Variants in PPP1R37 observed in about 807,000 individuals in gnomAD.
PPP1R37 encodes leucine rich repeat containing 68.
In PPP1R37, 21 loss-of-function variants were observed where a neutral mutation model predicts 61.0. The ratio of observed to expected loss-of-function variants is 0.34; its 90% confidence interval spans 0.24 to 0.50. PPP1R37 has a LOEUF of 0.50. Among genes scored for constraint, PPP1R37 ranks in the 20% least tolerant of loss-of-function variants. PPP1R37 has a pLI of 0.98. For missense variants in PPP1R37, 910 were observed against 952.7 expected (o/e 0.96, Z 0.59); for synonymous variants, 443 against 433.5 (o/e 1.02, Z -0.27).
intron 1 of PPP1R37, among the ~76,000 whole-genome samples, chr19:45,116,716 C>A (rs539522600): frequency 6.6e-6 from 1 of 152,186 alleles, no homozygotes; most frequent in Non-Finnish European, 1.5e-5. Flanking sequence ...TTCATAGACT[C>A]ACAGCGACAG....
chr19:45,097,147 G>T (rs988401374), intron 1 of PPP1R37, among the ~76,000 whole-genome samples: 1 of 151,974 alleles, frequency 6.6e-6, no homozygotes, highest in Non-Finnish European at 1.5e-5. Context: ...GGCCCAGAGG[G>T]TCTGGGGCTG....
At chr19:45,104,854 A>T (rs1255837052) in intron 1 of PPP1R37, among the ~76,000 whole-genome samples, 3 of 151,828 alleles carry the variant, frequency 2.0e-5, no homozygotes, top group African/African-American at 4.8e-5. Flanking sequence ...AGCTCCCCAC[A>T]TCCTGTCCTG....
At position 45,138,526 on chromosome 19, in the gene PPP1R37, C is replaced by G; in HGVS notation, c.215C>G (p.Thr72Ser). 1.3e-6 allele frequency: 2 copies of G among 1,535,850 alleles called. No homozygotes were observed. Among genetic ancestry groups the G allele is most frequent in the Non-Finnish European group, 8.7e-7 (1 of 1,146,740 alleles). The part of the protein sequence containing the change: ...KDPWRHAQNV[T>S]VDEVIGAYKQ... ...CCTGTGCCTGCAGCCCAGAATGTGACCGTGGACGAGGTCATCGGCGCCTAC... is the reference window on the plus strand; with the variant it reads ...CCTGTGCCTGCAGCCCAGAATGTGAGCGTGGACGAGGTCATCGGCGCCTAC... Residue 72 changes from threonine (T) to serine (S), a missense_variant, in exon 2 of 13, where the codon ACC (threonine) becomes AGC (serine). Thr to Ser is a moderately conservative substitution (Grantham distance 58). This residue lies in a region of PPP1R37 where 280 missense variants were observed against 382.2 expected (regional missense o/e 0.73). Coordinates refer to ENST00000221462, the MANE Select transcript of PPP1R37 (RefSeq NM_019121.2).
At chr19:45,099,526 T>G (rs1968035728) in intron 1 of PPP1R37, among the ~76,000 whole-genome samples, 1 of 152,202 alleles carries the variant, frequency 6.6e-6, no homozygotes, top group African/African-American at 2.4e-5. Flanking sequence ...TGGAGCATGA[T>G]CAGGTTAGTG....
At position 45,140,491 on chromosome 19, in the gene PPP1R37, G is replaced by A; in HGVS notation, c.347-15G>A. 1.3e-6 allele frequency: 2 copies of A among 1,524,386 alleles called. No individual in the cohort carries two copies. The highest frequency in any genetic ancestry group is 1.8e-6 in the Non-Finnish European group (2 of 1,136,278). The allele number at this position is 1,524,386 out of a possible 1,614,324, so 94.4% of individuals were successfully genotyped here. On this transcript the variant is annotated splice_polypyrimidine_tract_variant and intron_variant, in intron 3 of 12. Transcript: ENST00000221462. The stretch of plus-strand genomic sequence containing the variant: ...CACTGTCTTAGACATGCGCACGGCT[G>A]CTGTCTCCCCCCAGGTGAGAAGCTT...
intron 1 of PPP1R37, among the ~76,000 whole-genome samples, chr19:45,134,363 C>T (rs1482419005): frequency 6.6e-6 from 1 of 152,130 alleles, no homozygotes; most frequent in East Asian, 1.9e-4. Flanking sequence ...GGAATTGAAG[C>T]TGTGTTTATT....
In PPP1R37 at chr19:45,145,802, G is replaced by C. The variant is rs1245835754; in HGVS notation, c.1746G>C (p.Glu582Asp). The change falls in exon 11 of 13, where the codon GAG becomes GAC. Residue 582 changes from glutamate (E) to aspartate (D), a missense_variant. Physicochemically the swap from Glu to Asp is conservative, Grantham distance 45 (BLOSUM62 2). Around this residue, in one of 3 missense-constraint regions of PPP1R37, gnomAD observed 549 missense variants for 505.1 expected, o/e 1.09. Coordinates refer to ENST00000221462, the MANE Select transcript of PPP1R37 (RefSeq NM_019121.2). ...TRVESPPERA[E>D]PPASPTPPSP... The stretch of plus-strand genomic sequence containing the variant: ...TGGAGAGCCCGCCCGAGAGGGCAGA[G>C]CCCCCTGCGTCCCCCACCCCTCCCT... 2 of 1,489,792 alleles carry C rather than the reference G, an allele frequency of 1.3e-6. No individual in the cohort carries two copies. Among genetic ancestry groups the C allele is most frequent in the East Asian group, 4.9e-5 (2 of 40,436 alleles). The allele number at this position is 1,489,792 out of a possible 1,614,324, so 92.3% of individuals were successfully genotyped here. A position where few individuals can be genotyped will look rare whatever the true frequency, so the allele number is the denominator to read the frequency against.
chr19:45,111,420 G>T (rs1968199021), intron 1 of PPP1R37, among the ~76,000 whole-genome samples: 1 of 151,994 alleles, frequency 6.6e-6, no homozygotes, highest in African/African-American at 2.4e-5. Context: ...GATTACAAGT[G>T]CGCACCACCA....
rs1415315461 is a variant in PPP1R37 at position 45,140,780 on chromosome 19, G to A, written c.447+174G>A. ...GGAGACATCCAATATGACCAGAGTG[G>A]ATGTGGAGGGCGCGTTGGGGCACCT... On this transcript the variant is annotated intron_variant, in intron 4 of 12. Transcript: ENST00000221462. 3.2e-5 allele frequency: 19 copies of A among 599,948 alleles called. No homozygotes were observed. In the East Asian group the frequency reaches 5.0e-4, roughly 16 times the overall value. The allele number at this position is 599,948 out of a possible 1,614,324, so 37.2% of individuals were successfully genotyped here.
intron 1 of PPP1R37, among the ~76,000 whole-genome samples, chr19:45,106,535 C>T (rs77682313): frequency 0.11 from 16,920 of 151,830 alleles, 1,314 homozygotes; most frequent in Non-Finnish European, 0.17. Flanking sequence ...TGAGCCGCCG[C>T]GCCTGGCCTG....
At chr19:45,135,509 C>T (rs1182079837) in intron 1 of PPP1R37, among the ~76,000 whole-genome samples, 1 of 152,246 alleles carries the variant, frequency 6.6e-6, no homozygotes, top group Non-Finnish European at 1.5e-5. Flanking sequence ...AACAGCTACG[C>T]TTCTCTTCCC....
chr19:45,097,049 G>A (rs765772416), intron 1 of PPP1R37, among the ~76,000 whole-genome samples: 26 of 152,080 alleles, frequency 1.7e-4, no homozygotes, highest in Non-Finnish European at 3.5e-4. Context: ...TGGTTCACTG[G>A]CCATGGGGCT....
chr19:45,144,756 C>G (rs531276634), intron 8 of PPP1R37, 98 bp from the exon 9 acceptor site: 6 of 1,068,630 alleles, frequency 5.6e-6, no homozygotes, highest in South Asian at 4.9e-5. Flanking sequence ...AAGGAGCGCC[C>G]GGGCCTGGCT....
chr19:45,137,422 C>T (rs1240414366), intron 1 of PPP1R37, among the ~76,000 whole-genome samples: 2 of 152,236 alleles, frequency 1.3e-5, no homozygotes, highest in Admixed American at 6.5e-5. Flanking sequence ...CCAGAAAAGG[C>T]AAATCTGTGT....
intron 1 of PPP1R37, among the ~76,000 whole-genome samples, chr19:45,110,667 G>A (rs1037118769): frequency 3.8e-4 from 58 of 152,302 alleles, no homozygotes; most frequent in African/African-American, 1.3e-3. Context: ...AAGAATGAAT[G>A]AATGAAAATA....
chr19:45,145,852 C>A lies in PPP1R37; in HGVS notation c.1796C>A (p.Pro599His). The A allele has an allele frequency of 1.3e-6, 2 of 1,519,982 alleles. No homozygotes were observed. Among genetic ancestry groups the A allele is most frequent in the Non-Finnish European group, 8.8e-7 (1 of 1,136,708 alleles). 94.2% of individuals were successfully genotyped at this position (1,519,982 alleles called of 1,614,324 possible). Residue 599 changes from proline (P) to histidine (H), a missense_variant, in exon 11 of 13, where the codon CCC becomes CAC. Coordinates refer to ENST00000221462, the MANE Select transcript of PPP1R37 (RefSeq NM_019121.2). The part of the protein sequence containing the change: ...PPSPPPPPSP[P>H]ASPSLPPAGA... ...TCTCCCCCACCCCCTCCCTCCCCAC[C>A]CGCCTCACCTTCCCTACCACCAGCC... is the stretch of plus-strand genomic sequence containing the variant.
intron 1 of PPP1R37, among the ~76,000 whole-genome samples, chr19:45,127,591 G>A (rs1004364329): frequency 9.9e-5 from 15 of 152,192 alleles, no homozygotes; most frequent in Admixed American, 6.5e-4. Context: ...ATCATTGACT[G>A]AAATGGCTTT....
In PPP1R37 at chr19:45,145,788, C is replaced by T. The variant is rs1361731422; in HGVS notation, c.1732C>T (p.Pro578Ser). Residue 578 changes from proline (P) to serine (S), a missense_variant, in exon 11 of 13, where the codon CCC becomes TCC. Pro to Ser is a moderately conservative substitution (Grantham distance 74). Coordinates refer to ENST00000221462, the MANE Select transcript of PPP1R37 (RefSeq NM_019121.2). The stretch of plus-strand genomic sequence containing the variant: ...TGTGGTGACCCGGGTGGAGAGCCCG[C>T]CCGAGAGGGCAGAGCCCCCTGCGTC... ...VFVVTRVESP[P>S]ERAEPPASPT... 6.6e-7 allele frequency: 1 copy of T among 1,506,328 alleles called. No individual in the cohort carries two copies. Among genetic ancestry groups the T allele is most frequent in the Non-Finnish European group, 8.8e-7 (1 of 1,131,336 alleles). The allele number at this position is 1,506,328 out of a possible 1,614,324, so 93.3% of individuals were successfully genotyped here. A position where few individuals can be genotyped will look rare whatever the true frequency, so the allele number is the denominator to read the frequency against.
intron 1 of PPP1R37, among the ~76,000 whole-genome samples, chr19:45,098,746 G>C (rs913880782): frequency 2.0e-5 from 3 of 152,214 alleles, no homozygotes; most frequent in Non-Finnish European, 4.4e-5. Context: ...AGGCTGGACA[G>C]GTAGACATGC....
Sources: allele counts gnomAD v4.1 joint callset (sites outside exome capture counted in the v4.1 genomes callset), GRCh38; gene constraint gnomAD v4.1.1; regional missense constraint gnomAD v4.1.1; transcripts MANE v1.5; gene names NCBI Gene and HGNC (gene_info 2026-07-23, HGNC 2026-07-21).